Variants in VAV2 observed in about 807,000 individuals in gnomAD.
VAV2 encodes the protein guanine nucleotide exchange factor VAV2.
A neutral mutation model predicts 132.5 loss-of-function variants in VAV2; 67 were observed. The ratio of observed to expected loss-of-function variants is 0.51; its 90% CI spans 0.42 to 0.62. The LOEUF (loss-of-function observed/expected upper bound fraction) is 0.62, where lower values mean the gene tolerates loss of function less well. Among genes scored for constraint, VAV2 ranks in the 20% least tolerant of loss-of-function variants. VAV2 has a pLI of 0.00. For missense variants in VAV2, 938 were observed against 1,153.6 expected, an observed-to-expected ratio of 0.81 and a Z score of 2.71; for synonymous variants, 492 against 443.5, an observed-to-expected ratio of 1.11 and a Z score of -1.37.
chr9:133,946,598 G>A (rs1315784174), intron 1 of VAV2, among the ~76,000 whole-genome samples: 1 of 152,220 alleles, frequency 6.6e-6, no homozygotes, highest in African/African-American at 2.4e-5. Context: ...AGCAGAGACC[G>A]ATTGCACGCC....
intron 1 of VAV2, among the ~76,000 whole-genome samples, chr9:133,973,233 G>C (rs1280653447): frequency 1.3e-5 from 2 of 152,152 alleles, no homozygotes; most frequent in African/African-American, 4.8e-5. Flanking sequence ...TGGCCCGCCT[G>C]GCCCAGCGCT....
In VAV2 at chr9:133,824,555, A is replaced by G. The variant is rs1269446071; in HGVS notation, c.449+9717T>C. Among the ~76,000 whole-genome samples, 1 of 152,106 alleles carries G rather than the reference A, an allele frequency of 6.6e-6. No individual in the cohort carries two copies. The highest frequency in any genetic ancestry group is 1.5e-5 in the Non-Finnish European group (1 of 67,998). ...CAAATCCTACGCACTCTTCAAAATG[A>G]ACACCTCCTCCAGGAAGGCTTCCTG... On this transcript the variant is annotated intron_variant, in intron 4 of 29. Transcript: ENST00000371850. This position sits in a 1 kb window ranked among gnomAD's most constrained non-coding sequence, Gnocchi z 5.2.
rs547138112 is a variant in VAV2, at chr9:133,777,971, C to T, written c.1891-508G>A. Among the ~76,000 whole-genome samples the T allele has an allele frequency of 5.9e-5, 9 of 152,302 alleles. No individual in the cohort carries two copies. The South Asian group carries it at 1.9e-3, about 32-fold the overall frequency. ...TGCTGGGCTAAGTGCCCTCGAGGCC[C>T]CGTGGCGCTCTGCTGACCTGTGGGT... is the stretch of plus-strand genomic sequence containing the variant. On this transcript the variant is annotated intron_variant, in intron 22 of 29. Coordinates refer to ENST00000371850, the MANE Select transcript of VAV2 (RefSeq NM_001134398.2).
chr9:133,920,602 T>G (rs1479143757), intron 2 of VAV2, among the ~76,000 whole-genome samples: 1 of 151,888 alleles, frequency 6.6e-6, no homozygotes, highest in Non-Finnish European at 1.5e-5. Context: ...CCTCCCCAGG[T>G]GTCCCTCCCT....
chr9:133,768,381 G>T lies in VAV2; in HGVS notation c.2589+61C>A. ...ATAGGTGTGGTGCTAGTCTGCCTGA[G>T]CCCGACCAGGTAGGGGCTGCAGCGA... On this transcript the variant is annotated intron_variant, in intron 29 of 29. Coordinates refer to ENST00000371850, the MANE Select transcript of VAV2 (RefSeq NM_001134398.2). This position sits in a 1 kb window ranked among gnomAD's most constrained non-coding sequence, Gnocchi z 5.3. 1 of 1,579,850 alleles carries T rather than the reference G, an allele frequency of 6.3e-7. No individual in the cohort carries two copies. The highest frequency in any genetic ancestry group is 1.7e-5 in the Admixed American group (1 of 58,038).
At chr9:133,784,646 G>A (rs1332865491) in intron 17 of VAV2, among the ~76,000 whole-genome samples, 2 of 152,268 alleles carry the variant, frequency 1.3e-5, no homozygotes, top group Non-Finnish European at 2.9e-5. Flanking sequence ...GCACTGGCCT[G>A]AGAGAACCTT....
At chr9:133,936,539 G>T (rs149848088) in intron 2 of VAV2, among the ~76,000 whole-genome samples, 1 of 152,104 alleles carries the variant, frequency 6.6e-6, no homozygotes. Context: ...CACCATGCCC[G>T]ACCCAGCCAT....
intron 16 of VAV2, 35 bp downstream of exon 16, chr9:133,787,211 A>G: frequency 6.4e-7 from 1 of 1,557,436 alleles, no homozygotes; most frequent in East Asian, 2.3e-5. Context: ...GGGATGATTG[A>G]GGCAGGTGGG....
Position 133,788,361 on chromosome 9 carries a change from A to G in VAV2, c.1400T>C (p.Val467Ala), listed in dbSNP as rs201764323. The change falls in exon 15 of 30, where the codon GTC becomes GCC. Residue 467 changes from valine (V) to alanine (A), a missense_variant. Coordinates refer to ENST00000371850, the MANE Select transcript of VAV2 (RefSeq NM_001134398.2). The surrounding 1 kb of genome is among the most constrained non-coding windows in gnomAD (Gnocchi z 5.3). Reference sequence around the variant, plus strand: ...GGACCCGGAAGGCCCCACCTTCTTGACGTCCTTGTTGTTCATGGGGTCGTC... The same window carrying G: ...GGACCCGGAAGGCCCCACCTTCTTGGCGTCCTTGTTGTTCATGGGGTCGTC... ...MTDDPMNNKD[V>A]KKSHGKMWSY... is the part of the protein sequence containing the mutation. 2.9e-5 allele frequency: 46 copies of G among 1,604,884 alleles called. No individual in the cohort carries two copies. Among genetic ancestry groups the G allele is most frequent in the Non-Finnish European group, 2.9e-5 (34 of 1,172,542 alleles).
rs142678857 is a variant in VAV2, at chr9:133,796,273, T to C, written c.1032+156A>G. On this transcript the variant is annotated intron_variant, in intron 11 of 29. Transcript: ENST00000371850. ...TTTACTGTGATAATCGGCCATCACA[T>C]GCATTGAGCGGTGATTATGAGCTAA... Among the ~76,000 whole-genome samples the C allele has an allele frequency of 2.1e-3, 317 of 152,358 alleles. 1 individual carries two copies. The highest frequency in any genetic ancestry group is 7.0e-3 in the African/African-American group (292 of 41,582).
Position 133,846,574 on chromosome 9 carries a change from G to A in VAV2, c.381-12234C>T, listed in dbSNP as rs1020496110. On this transcript the variant is annotated intron_variant, in intron 3 of 29. Coordinates refer to ENST00000371850, the MANE Select transcript of VAV2 (RefSeq NM_001134398.2). ...CCCTGTCCCTGGCTGCCCTGGCCCC[G>A]GCCGCTCTCTATCCAGGGCCGCCAA... 3.1e-5 allele frequency among the ~76,000 whole-genome samples: 4 copies of A among 127,910 alleles called. No homozygotes were observed. The East Asian group carries it at 6.9e-4, about 22-fold the overall frequency. The allele number at this position is 127,910 out of a possible 152,430, so 83.9% of individuals were successfully genotyped here. A position where few individuals can be genotyped will look rare whatever the true frequency, so the allele number is the denominator to read the frequency against.
chr9:133,972,495 A>ATT (rs1842369416), intron 1 of VAV2, among the ~76,000 whole-genome samples: 1 of 1,396 alleles, frequency 7.2e-4, no homozygotes, highest in Non-Finnish European at 2.2e-3. Context: ...AAAGGCAAAC[A>ATT]CTCTTTGCCG....
chr9:133,940,668 C>CATGCGTGT (rs1168466104), intron 1 of VAV2, among the ~76,000 whole-genome samples: 13 of 58,744 alleles, frequency 2.2e-4, no homozygotes, highest in Non-Finnish European at 3.4e-4. Flanking sequence ...TCTCTGTCCA[C>CATGCGTGT]GTGCGTGTGT....
At chr9:133,977,153 T>C (rs1177433327) in intron 1 of VAV2, among the ~76,000 whole-genome samples, 9 of 152,080 alleles carry the variant, frequency 5.9e-5, no homozygotes, top group Admixed American at 5.2e-4. Context: ...TGAAAACAAA[T>C]AAAACCAAGA....
At chr9:133,915,482 G>A (rs1383809405) in intron 2 of VAV2, among the ~76,000 whole-genome samples, 1 of 152,216 alleles carries the variant, frequency 6.6e-6, no homozygotes, top group Admixed American at 6.5e-5. Context: ...ACAAGGGGCT[G>A]TGCCCACTTT....
At position 133,826,784 on chromosome 9, in the gene VAV2, A is replaced by G. The variant is rs952904218; in HGVS notation, c.449+7488T>C. 1.3e-5 allele frequency among the ~76,000 whole-genome samples: 2 copies of G among 151,638 alleles called. No individual in the cohort carries two copies. The highest frequency in any genetic ancestry group is 2.9e-5 in the Non-Finnish European group (2 of 67,872). Reference sequence around the variant, plus strand: ...TCAATTCCCCTAAGAATTCTCGGGGACCTCTGACCTGCCGGCACCACGGGA... The same window carrying G: ...TCAATTCCCCTAAGAATTCTCGGGGGCCTCTGACCTGCCGGCACCACGGGA... On this transcript the variant is annotated intron_variant, in intron 4 of 29. Transcript: ENST00000371850. The surrounding 1 kb of genome is among the most constrained non-coding windows in gnomAD (Gnocchi z 4.2).
At chr9:133,965,910 G>A (rs924597033) in intron 1 of VAV2, among the ~76,000 whole-genome samples, 1 of 152,146 alleles carries the variant, frequency 6.6e-6, no homozygotes, top group African/African-American at 2.4e-5. Flanking sequence ...AACAAAAGCA[G>A]CATGATACTG....
In VAV2 at chr9:133,863,510, C is replaced by T. The variant is rs891023864; in HGVS notation, c.322-2078G>A. Among the ~76,000 whole-genome samples, 1 of 152,242 alleles carries T rather than the reference C, an allele frequency of 6.6e-6. No individual in the cohort carries two copies. The highest frequency in any genetic ancestry group is 1.5e-5 in the Non-Finnish European group (1 of 68,044). On this transcript the variant is annotated intron_variant, in intron 2 of 29. Coordinates refer to ENST00000371850, the MANE Select transcript of VAV2 (RefSeq NM_001134398.2). This position sits in a 1 kb window ranked among gnomAD's most constrained non-coding sequence, Gnocchi z 5.0. ...CCAAGGCCAGAACATGGTTCTCCTGCGTCCATGCATCTGTGGCCCCTGTGG... is the reference window on the plus strand; with the variant it reads ...CCAAGGCCAGAACATGGTTCTCCTGTGTCCATGCATCTGTGGCCCCTGTGG...
intron 3 of VAV2, among the ~76,000 whole-genome samples, chr9:133,839,777 T>A (rs1836644797): frequency 6.6e-6 from 1 of 152,160 alleles, no homozygotes; most frequent in Non-Finnish European, 1.5e-5. Context: ...CAAGGAGAGC[T>A]TGTAAGAGAT....
Sources: allele counts gnomAD v4.1 joint callset (sites outside exome capture counted in the v4.1 genomes callset), GRCh38; gene constraint gnomAD v4.1.1; non-coding constraint Gnocchi (gnomAD v3.1); transcripts MANE v1.5; gene names NCBI Gene and HGNC (gene_info 2026-07-23, HGNC 2026-07-21).